Variants in PSD3 observed in about 807,000 individuals in gnomAD.
PSD3 encodes the protein pleckstrin and Sec7 domain containing 3.
Under a neutral mutation model 105.5 loss-of-function variants are expected in PSD3, and 49 were observed. The ratio of observed to expected loss-of-function variants is 0.46; its 90% CI spans 0.37 to 0.59. PSD3 has a LOEUF of 0.59. PSD3 is among the 20% of genes least tolerant of loss of function. The probability of loss-of-function intolerance (pLI) is 0.00; values close to 1 mark genes in which losing one functional copy is unlikely to be tolerated. For synonymous variants in PSD3, 557 were observed against 457.8 expected (o/e 1.22, Z -2.77); for missense variants, 1,561 against 1,263.8 (o/e 1.24, Z -3.57).
intron 9 of PSD3, among the ~76,000 whole-genome samples, chr8:18,695,499 C>A (rs1431684416): frequency 6.6e-6 from 1 of 152,208 alleles, no homozygotes; most frequent in Non-Finnish European, 1.5e-5. Context: ...TAACTTTGAT[C>A]TATTCCCCCT....
At chr8:18,920,017 T>TA (rs11288084) in intron 2 of PSD3, among the ~76,000 whole-genome samples, 1,151 of 114,632 alleles carry the variant, frequency 0.01, 15 homozygotes, top group African/African-American at 0.029. Flanking sequence ...ATAAATAAAT[T>TA]AAAAAAAAAA....
intron 15 of PSD3, among the ~76,000 whole-genome samples, chr8:18,546,922 A>G (rs971328180): frequency 3.3e-5 from 5 of 152,168 alleles, no homozygotes; most frequent in Admixed American, 2.6e-4. Context: ...TGCCAGGGAC[A>G]TATTTGCTGG....
chr8:18,975,400 G>A (rs1180024292), intron 1 of PSD3, among the ~76,000 whole-genome samples: 1 of 151,214 alleles, frequency 6.6e-6, no homozygotes, highest in Non-Finnish European at 1.5e-5. Flanking sequence ...TGGCTCAGGA[G>A]TAGAAGGCTA....
intron 8 of PSD3, among the ~76,000 whole-genome samples, chr8:18,775,342 G>A (rs1205069832): frequency 6.6e-6 from 1 of 152,188 alleles, no homozygotes; most frequent in Non-Finnish European, 1.5e-5. Flanking sequence ...GACATTTCTT[G>A]AATATACTGA....
intron 2 of PSD3, among the ~76,000 whole-genome samples, chr8:18,901,839 G>T (rs1039943288): frequency 6.6e-6 from 1 of 152,028 alleles, no homozygotes; most frequent in African/African-American, 2.4e-5. Flanking sequence ...TCAGCTCTTT[G>T]ACTATGTATC....
chr8:18,828,068 T>TACATATATATAATATATATA (rs1554515387), intron 4 of PSD3, among the ~76,000 whole-genome samples: 1 of 83,304 alleles, frequency 1.2e-5, no homozygotes, highest in African/African-American at 5.7e-5. Flanking sequence ...TATATATATA[T>TACATATATATAATATATATA]TTTTTTTTTT....
intron 15 of PSD3, among the ~76,000 whole-genome samples, chr8:18,547,878 TTAAA>T: frequency 6.6e-6 from 1 of 152,220 alleles, no homozygotes; most frequent in Middle Eastern, 3.2e-3. Flanking sequence ...TAAGTATTCT[TTAAA>T]TAAGCTTTCT....
intron 14 of PSD3, among the ~76,000 whole-genome samples, chr8:18,568,772 C>T (rs551719013): frequency 1.1e-3 from 166 of 151,878 alleles, no homozygotes; most frequent in African/African-American, 3.1e-3. Context: ...TAGTTACATA[C>T]GTATACATGT....
chr8:18,780,320 T>C (rs1358422738), intron 8 of PSD3, among the ~76,000 whole-genome samples: 3 of 149,814 alleles, frequency 2.0e-5, no homozygotes, highest in Non-Finnish European at 3.0e-5. Context: ...GTAAAGTCAG[T>C]TTTTTATAGG....
chr8:19,031,723 G>A (rs1452931265), intron 1 of PSD3, among the ~76,000 whole-genome samples: 1 of 152,116 alleles, frequency 6.6e-6, no homozygotes, highest in African/African-American at 2.4e-5. Context: ...GAAAATGGGT[G>A]ACATTCTGAT....
chr8:18,740,595 T>TCCTAA (rs1804493521), intron 9 of PSD3, among the ~76,000 whole-genome samples: 1 of 152,198 alleles, frequency 6.6e-6, no homozygotes, highest in Non-Finnish European at 1.5e-5. Flanking sequence ...TCGGTTTCAT[T>TCCTAA]ACCTAATGAT....
chr8:18,997,668 C>T (rs1369818650), intron 1 of PSD3, among the ~76,000 whole-genome samples: 1 of 152,078 alleles, frequency 6.6e-6, no homozygotes, highest in Non-Finnish European at 1.5e-5. Context: ...GGTCCGACCC[C>T]ACTGCTCACT....
intron 1 of PSD3, among the ~76,000 whole-genome samples, chr8:18,981,423 T>A (rs1421518110): frequency 1.3e-5 from 2 of 152,192 alleles, no homozygotes. Flanking sequence ...TACTAGTGGG[T>A]GACCTTGGAT....
chr8:18,640,994 T>C (rs1585472050), intron 10 of PSD3, among the ~76,000 whole-genome samples: 1 of 152,152 alleles, frequency 6.6e-6, no homozygotes, highest in Non-Finnish European at 1.5e-5. Context: ...GCAGGCTTGG[T>C]GGCCACTCAG....
At chr8:18,667,110 G>A (rs1221061532) in intron 9 of PSD3, among the ~76,000 whole-genome samples, 1 of 152,060 alleles carries the variant, frequency 6.6e-6, no homozygotes, top group Non-Finnish European at 1.5e-5. Context: ...GTGTGGAAGG[G>A]GACCCCAGCG....
chr8:18,653,642 C>A (rs947840688), intron 10 of PSD3, among the ~76,000 whole-genome samples: 1 of 152,118 alleles, frequency 6.6e-6, no homozygotes, highest in African/African-American at 2.4e-5. Context: ...GCTAACTTCA[C>A]AAGAAGAAAC....
intron 1 of PSD3, among the ~76,000 whole-genome samples, chr8:18,964,952 T>C (rs1896200): frequency 0.71 from 108,518 of 152,044 alleles, 38,992 homozygotes; most frequent in Middle Eastern, 0.78. Flanking sequence ...ATATTTAATA[T>C]AAACTATTAA....
At chr8:18,805,753 G>A (rs538329045) in intron 4 of PSD3, among the ~76,000 whole-genome samples, 1 of 152,240 alleles carries the variant, frequency 6.6e-6, no homozygotes, top group South Asian at 2.1e-4. Flanking sequence ...CACCATTAAT[G>A]AAAAGTCTAA....
intron 14 of PSD3, among the ~76,000 whole-genome samples, chr8:18,562,122 C>T (rs1029480542): frequency 1.3e-5 from 2 of 152,074 alleles, no homozygotes; most frequent in African/African-American, 4.8e-5. Flanking sequence ...TTTATCCATC[C>T]GCGAACCTCA....
Sources: gnomAD v4.1 joint callset for allele counts (sites outside exome capture counted in the v4.1 genomes callset) on GRCh38, gnomAD v4.1.1 for gene constraint, MANE v1.5 for transcripts, NCBI Gene and HGNC (gene_info 2026-07-23, HGNC 2026-07-21) for gene names.